The following LAMB3 variants were observed in gnomAD, a reference collection of about 807,000 sequenced individuals.
LAMB3 encodes laminin subunit beta 3.
In LAMB3, 104 loss-of-function variants were observed where a neutral mutation model predicts 140.3. The observed-to-expected ratio is 0.74, with a 90% CI of 0.63 to 0.87. The LOEUF is 0.87. Among genes scored for constraint, LAMB3 ranks in the 40% least tolerant of loss-of-function variants. The pLI is 0.00. For synonymous variants in LAMB3, 592 were observed against 602.9 expected, an observed-to-expected ratio of 0.98 and a Z score of 0.26; for missense variants, 1,531 against 1,575.2, an observed-to-expected ratio of 0.97 and a Z score of 0.47.
chr1:209,639,016 C>A (rs2076438585), intron 3 of LAMB3, among the ~76,000 whole-genome samples: 1 of 151,162 alleles, frequency 6.6e-6, no homozygotes, highest in South Asian at 2.1e-4. Flanking sequence ...ATTATTTGAG[C>A]ATCTACGACA....
At chr1:209,631,154 T>G (rs2236891) in intron 8 of LAMB3, among the ~76,000 whole-genome samples, 33,927 of 152,194 alleles carry the variant, frequency 0.22, 5,093 homozygotes, top group African/African-American at 0.42. Context: ...TTAATGGAAC[T>G]GTTGTGATGA....
At position 209,618,024 on chromosome 1, in the gene LAMB3, GC is replaced by G; in HGVS notation, c.2933del (p.Gly978AlafsTer52). ...EARSRAHAVE[G>X]QVEDVVGNLR... The stretch of plus-strand genomic sequence containing the variant: ...GGTTCCCAACCACATCTTCCACCTG[GC>G]CCTCCACTGCATGGGCTCGGCTCCT... On this transcript the variant is annotated frameshift_variant, in exon 20 of 23. Coordinates refer to ENST00000356082, the MANE Select transcript of LAMB3 (RefSeq NM_000228.3). LOFTEE classifies it high-confidence loss of function. The G allele has an allele frequency of 6.2e-7, 1 of 1,614,132 alleles. No homozygotes were observed.
intron 5 of LAMB3, 124 bp downstream of exon 5, chr1:209,637,784 A>G (rs535002538): frequency 4.1e-5 from 33 of 801,014 alleles, no homozygotes; most frequent in Non-Finnish European, 7.0e-5. Context: ...TGTCACCATG[A>G]TATAGGCTCA....
At chr1:209,630,586 A>G (rs916958940) in intron 9 of LAMB3, 29 bp downstream of exon 9, 12 of 1,613,946 alleles carry the variant, frequency 7.4e-6, no homozygotes, top group Admixed American at 5.0e-5. Context: ...CCCAGACCCT[A>G]CAGGGGAGGG....
chr1:209,622,931 A>C, intron 17 of LAMB3, 51 bp downstream of exon 17: 1 of 1,593,252 alleles, frequency 6.3e-7, no homozygotes, highest in Non-Finnish European at 8.6e-7. Context: ...CGGGGGATCT[A>C]TCCTGTCTGC....
chr1:209,627,213 G>A (rs1251565592), intron 12 of LAMB3, among the ~76,000 whole-genome samples, 170 bp downstream of exon 12: 1 of 152,198 alleles, frequency 6.6e-6, no homozygotes, highest in African/African-American at 2.4e-5. Context: ...ACGGCCAAGA[G>A]CCACAGAGGG....
intron 5 of LAMB3, among the ~76,000 whole-genome samples, chr1:209,636,278 C>T (rs536654196): frequency 6.6e-6 from 1 of 152,178 alleles, no homozygotes; most frequent in East Asian, 1.9e-4. Context: ...GCACTGTAGC[C>T]TGGTGAACAG....
At position 209,630,722 on chromosome 1, in the gene LAMB3, C is replaced by G. The variant is rs1321787517; in HGVS notation, c.836G>C (p.Cys279Ser). 1 of 1,613,876 alleles carries G rather than the reference C, an allele frequency of 6.2e-7. No homozygotes were observed. Among genetic ancestry groups the G allele is most frequent in the South Asian group, 1.1e-5 (1 of 91,070 alleles). Residue 279 changes from cysteine to serine, a missense_variant, in exon 9 of 23, where the codon TGT (cysteine) becomes TCT (serine). By Grantham distance (112) the Cys-to-Ser change is moderately radical. Coordinates refer to ENST00000356082, the MANE Select transcript of LAMB3 (RefSeq NM_000228.3). ...PSTAVQVHDV[C>S]VCQHNTAGPN... The stretch of plus-strand genomic sequence containing the variant: ...GCCGGCAGTGTTGTGCTGGCAGACA[C>G]AGACATCGTGGACCTGGGAGGGGGA...
In LAMB3 at chr1:209,618,520, C is replaced by T. The variant is rs144342691; in HGVS notation, c.2841G>A (p.Leu947=). ...AIAARLPNVD[L]VLSQTKQDIA... ...TGTCCTGCTTGGTCTGGGACAGCAC[C>T]AAGTCCACGTTGGGGAGCCTGGCTG... Residue 947 remains leucine, a synonymous_variant, in exon 19 of 23, where the codon TTG becomes TTA. Coordinates refer to ENST00000356082, the MANE Select transcript of LAMB3 (RefSeq NM_000228.3). The T allele has an allele frequency of 6.1e-5, 99 of 1,614,156 alleles. No homozygotes were observed. The highest frequency in any genetic ancestry group is 7.3e-5 in the Non-Finnish European group (86 of 1,180,052).
rs751608427 is a variant in LAMB3, at chr1:209,649,950, G to A, written c.183+14C>T. ...CCATCCCGCCTTCCTCCAGTCCTGG[G>A]AAGTAGGGCCTACCTCGCCATACTG... is the stretch of plus-strand genomic sequence containing the variant. On this transcript the variant is annotated intron_variant, in intron 3 of 22. Transcript: ENST00000356082. 3.7e-6 allele frequency: 6 copies of A among 1,614,010 alleles called. No homozygotes were observed. The East Asian group carries it at 6.7e-5, about 18-fold the overall frequency.
At chr1:209,638,864 T>C (rs1170509851) in intron 3 of LAMB3, among the ~76,000 whole-genome samples, 2 of 151,368 alleles carry the variant, frequency 1.3e-5, no homozygotes, top group Non-Finnish European at 2.9e-5. Context: ...TCCTAACACA[T>C]AGCAAGTGAA....
intron 2 of LAMB3, 98 bp from the exon 3 acceptor site, chr1:209,650,216 T>C: frequency 1.6e-6 from 2 of 1,232,736 alleles, no homozygotes; most frequent in Admixed American, 2.0e-5. Context: ...AGCAAGATTA[T>C]ATCCTTTCCC....
Position 209,633,138 on chromosome 1 carries a change from A to G in LAMB3, c.565-5T>C. On this transcript the variant is annotated splice_polypyrimidine_tract_variant and splice_region_variant and intron_variant, in intron 6 of 22. Coordinates refer to ENST00000356082, the MANE Select transcript of LAMB3 (RefSeq NM_000228.3). ...ATCCATAAGGTTAAGTTGGACCTAC[A>G]GAGGGAAGGGAAAGAGAAGCGCTGA... is the stretch of plus-strand genomic sequence containing the variant. 6.2e-7 allele frequency: 1 copy of G among 1,608,070 alleles called. No individual in the cohort carries two copies. Among genetic ancestry groups the G allele is most frequent in the African/African-American group, 1.3e-5 (1 of 74,892 alleles).
chr1:209,615,311 T>C lies in LAMB3; in HGVS notation c.3479A>G (p.His1160Arg), dbSNP rs147931502. 838 of 1,614,016 alleles carry C rather than the reference T, an allele frequency of 5.2e-4. 1 individual carries two copies. The highest frequency in any genetic ancestry group is 5.2e-4 in the Non-Finnish European group (615 of 1,180,006). The change falls in exon 23 of 23, where the codon CAC becomes CGC. Residue 1160 changes from histidine to arginine, a missense_variant. Coordinates refer to ENST00000356082, the MANE Select transcript of LAMB3 (RefSeq NM_000228.3). Reference sequence around the variant, plus strand: ...ATAGTAGAGCACGCGCCCATTGATGTGGTCACGGATCTGCTCCACACGCTT... The same window carrying C: ...ATAGTAGAGCACGCGCCCATTGATGCGGTCACGGATCTGCTCCACACGCTT... ...LEKRVEQIRD[H>R]INGRVLYYAT...
Position 209,630,668 on chromosome 1 carries a change from T to C in LAMB3, c.890A>G (p.Tyr297Cys). The change falls in exon 9 of 23, where the codon TAC (tyrosine) becomes TGC (cysteine). Residue 297 changes from tyrosine to cysteine, a missense_variant. By Grantham distance (194) the Tyr-to-Cys change is radical (BLOSUM62 -2). Coordinates refer to ENST00000356082, the MANE Select transcript of LAMB3 (RefSeq NM_000228.3). ...GPNCERCAPF[Y>C]NNRPWRPAEG... ...CGCCGGTCTCCAGGGCCGGTTGTTG[T>C]AGAAGGGTGCACAGCGCTCACAATT... 1 of 1,614,000 alleles carries C rather than the reference T, an allele frequency of 6.2e-7. No individual in the cohort carries two copies. The highest frequency in any genetic ancestry group is 2.2e-5 in the East Asian group (1 of 44,866).
rs1666725098 is a variant in LAMB3, at chr1:209,632,513, G to A, written c.822+70C>T. On this transcript the variant is annotated intron_variant, in intron 8 of 22. Coordinates refer to ENST00000356082, the MANE Select transcript of LAMB3 (RefSeq NM_000228.3). ...TTAGTGCCCTTCCTGCTTTACAGGAGCCCCAAGAATGTCTGTAGTCTGCCC... is the reference window on the plus strand; with the variant it reads ...TTAGTGCCCTTCCTGCTTTACAGGAACCCCAAGAATGTCTGTAGTCTGCCC... 4.1e-6 allele frequency: 5 copies of A among 1,225,020 alleles called. No individual in the cohort carries two copies. In the South Asian group the frequency reaches 6.6e-5, roughly 16 times the overall value. 75.9% of individuals were successfully genotyped at this position (1,225,020 alleles called of 1,614,324 possible).
Position 209,637,928 on chromosome 1 carries a change from C to A in LAMB3, c.352G>T (p.Glu118Ter). ...LDLDRRFQLQ[E>*]VMMEFQGPMP... ...CACACCTGGAACTCCATCATGACTT[C>A]TTGAAGCTGGAATCTCCTGTCCAGG... is the stretch of plus-strand genomic sequence containing the variant. The change falls in exon 5 of 23, where the codon GAA becomes TAA. Residue 118 changes from glutamate to a stop codon, truncating the protein, a stop_gained. Coordinates refer to ENST00000356082, the MANE Select transcript of LAMB3 (RefSeq NM_000228.3). LOFTEE classifies it high-confidence loss of function. The A allele has an allele frequency of 6.2e-7, 1 of 1,613,204 alleles. No individual in the cohort carries two copies. Among genetic ancestry groups the A allele is most frequent in the East Asian group, 2.2e-5 (1 of 44,850 alleles).
Position 209,650,924 on chromosome 1 carries a change from C to T in LAMB3, c.21G>A (p.Leu7=). The change falls in exon 2 of 23, where the codon TTG becomes TTA. Residue 7 remains leucine (L), a synonymous_variant. Transcript: ENST00000356082. Reference sequence around the variant, plus strand: ...ATGGGAAGGGGTACTTACCAAAACACAAGAGGAAGAATGGTCTCATCTTCA... The same window carrying T: ...ATGGGAAGGGGTACTTACCAAAACATAAGAGGAAGAATGGTCTCATCTTCA... MRPFFL[L]CFALPGLLHA... The T allele has an allele frequency of 1.9e-6, 3 of 1,614,184 alleles. No homozygotes were observed. The highest frequency in any genetic ancestry group is 2.5e-6 in the Non-Finnish European group (3 of 1,180,004).
At chr1:209,633,170 G>C in intron 6 of LAMB3, 37 bp from the exon 7 acceptor site, 2 of 1,459,202 alleles carry the variant, frequency 1.4e-6, no homozygotes, top group Non-Finnish European at 1.9e-6. Flanking sequence ...CTGAAGAAGA[G>C]ACAAATAGTG....
Sources: allele counts gnomAD v4.1 joint callset (sites outside exome capture counted in the v4.1 genomes callset), GRCh38; gene constraint gnomAD v4.1.1; transcripts MANE v1.5; gene names NCBI Gene and HGNC (gene_info 2026-07-23, HGNC 2026-07-21).